Variants in RBM34 observed in about 807,000 individuals in gnomAD.
The protein encoded by RBM34 is RNA binding motif protein 34.
A neutral mutation model predicts 44.6 loss-of-function variants in RBM34; 39 were observed. The observed-to-expected ratio is 0.87, with a 90% CI of 0.68 to 1.14. The LOEUF (loss-of-function observed/expected upper bound fraction) is 1.14, where lower values mean the gene tolerates loss of function less well. RBM34 is among the 50% of genes most tolerant of loss of function. RBM34 has a pLI of 0.00. For missense variants in RBM34, 572 were observed against 517.9 expected, an observed-to-expected ratio of 1.10 and a Z score of -1.01; for synonymous variants, 194 against 184.0, an observed-to-expected ratio of 1.05 and a Z score of -0.44.
intron 6 of RBM34, among the ~76,000 whole-genome samples, chr1:235,140,317 G>T (rs910978483): frequency 7.9e-5 from 12 of 152,208 alleles, no homozygotes; most frequent in African/African-American, 2.9e-4. Flanking sequence ...AGGGCTGCGC[G>T]GCGCTTGCGG....
intron 6 of RBM34, among the ~76,000 whole-genome samples, chr1:235,144,848 C>A (rs1160874295): frequency 1.3e-5 from 2 of 152,158 alleles, no homozygotes; most frequent in Non-Finnish European, 2.9e-5. Flanking sequence ...AGTTTGAGAC[C>A]AGCCTGACCA....
intron 4 of RBM34, among the ~76,000 whole-genome samples, chr1:235,153,959 G>A (rs890370513): frequency 1.3e-5 from 2 of 152,100 alleles, no homozygotes; most frequent in Admixed American, 6.6e-5. Flanking sequence ...TCAAGAGACA[G>A]AACGAGGCTG....
rs140896073 is a variant in RBM34 at position 235,148,452 on chromosome 1, C to T, written c.658-5G>A. On this transcript the variant is annotated splice_region_variant and splice_polypyrimidine_tract_variant and intron_variant, in intron 5 of 10. Transcript: ENST00000408888. ...TAGCGTTCCCTCTGCTGGAATCTTT[C>T]AAGAGAAAAAAAAAAGTATTAAAGA... 22,904 of 1,568,488 alleles carry T rather than the reference C, an allele frequency of 0.015. 213 individuals are homozygous for T. The highest frequency in any genetic ancestry group is 0.018 in the Non-Finnish European group (20,334 of 1,160,884).
intron 10 of RBM34, among the ~76,000 whole-genome samples, chr1:235,133,418 G>A (rs1026967210): frequency 6.6e-5 from 10 of 152,142 alleles, no homozygotes; most frequent in African/African-American, 2.2e-4. Flanking sequence ...TCCAACATGA[G>A]AGAAATGACA....
Position 235,161,170 on chromosome 1 carries a change from T to C in RBM34, c.53+4A>G. ...CCCAGGTACTCGTGCCGCGCGCCAC[T>C]CACCCCTCCTGGACACTTCTCTTTC... On this transcript the variant is annotated splice_donor_region_variant and intron_variant, in intron 1 of 10. Transcript: ENST00000408888. 1 of 1,600,076 alleles carries C rather than the reference T, an allele frequency of 6.2e-7. No individual in the cohort carries two copies. The highest frequency in any genetic ancestry group is 1.3e-5 in the African/African-American group (1 of 74,714).
rs1172462826 is a variant in RBM34 at position 235,155,822 on chromosome 1, CATATATATATATATATATATATAT to C, written c.366-734_366-711del. ...GTCCAGTCTTTTATACATACATATACATATATATATATATATATATATATATATATATATATATATATATACATA... is the reference window on the plus strand; with the variant it reads ...GTCCAGTCTTTTATACATACATATACATATATATATATATATATATACATA... On this transcript the variant is annotated intron_variant, in intron 3 of 10. Coordinates refer to ENST00000408888, the MANE Select transcript of RBM34 (RefSeq NM_015014.4). 3.3e-3 allele frequency among the ~76,000 whole-genome samples: 212 copies of C among 64,174 alleles called. 7 individuals carry two copies. In the East Asian group the frequency reaches 0.044, roughly 13 times the overall value. 42.1% of individuals were successfully genotyped at this position (64,174 alleles called of 152,430 possible).
At chr1:235,147,554 T>C (rs1661955761) in intron 6 of RBM34, among the ~76,000 whole-genome samples, 1 of 152,200 alleles carries the variant, frequency 6.6e-6, no homozygotes, top group Non-Finnish European at 1.5e-5. Flanking sequence ...GGAATCTATA[T>C]ATTTATCAAC....
intron 4 of RBM34, among the ~76,000 whole-genome samples, chr1:235,153,622 CA>C (rs1176890877): frequency 6.6e-6 from 1 of 152,130 alleles, no homozygotes; most frequent in Non-Finnish European, 1.5e-5. Context: ...GAAGCGGTTT[CA>C]CCATGTTGGC....
intron 10 of RBM34, among the ~76,000 whole-genome samples, chr1:235,135,379 C>T (rs1661381835): frequency 6.6e-6 from 1 of 152,056 alleles, no homozygotes. Flanking sequence ...TAGGCACCTG[C>T]CACCACACCT....
intron 8 of RBM34, among the ~76,000 whole-genome samples, chr1:235,136,474 T>C (rs1661437265): frequency 2.0e-5 from 3 of 152,150 alleles, no homozygotes; most frequent in Non-Finnish European, 4.4e-5. Context: ...TGGATGTCGC[T>C]GTGTGTCAAA....
chr1:235,133,296 G>A (rs187390864), intron 10 of RBM34, among the ~76,000 whole-genome samples: 73 of 152,288 alleles, frequency 4.8e-4, no homozygotes, highest in African/African-American at 1.7e-3. Flanking sequence ...AGCTGAGATC[G>A]TGCCAAAGCA....
chr1:235,134,445 G>C (rs1032150842), intron 10 of RBM34, among the ~76,000 whole-genome samples: 1 of 152,118 alleles, frequency 6.6e-6, no homozygotes, highest in Admixed American at 6.6e-5. Context: ...ACAGTCACGC[G>C]TCAACATGCC....
intron 5 of RBM34, among the ~76,000 whole-genome samples, chr1:235,148,760 G>A (rs1409869701): frequency 7.9e-5 from 12 of 151,824 alleles, no homozygotes; most frequent in East Asian, 2.0e-4. Flanking sequence ...CACCACGCCC[G>A]GCTAATTTTT....
At position 235,132,636 on chromosome 1, in the gene RBM34, C is replaced by T. The variant is rs150503786; in HGVS notation, c.1009-639G>A. ...TATGCAATATTTTAAACGAATAAAC[C>T]TCCTTCGTATAGCCATCTTTCTGTC... is the stretch of plus-strand genomic sequence containing the variant. On this transcript the variant is annotated intron_variant, in intron 10 of 10. Coordinates refer to ENST00000408888, the MANE Select transcript of RBM34 (RefSeq NM_015014.4). Among the ~76,000 whole-genome samples the T allele has an allele frequency of 2.0e-3, 308 of 152,142 alleles. 1 individual carries two copies. Among genetic ancestry groups the T allele is most frequent in the African/African-American group, 7.1e-3 (296 of 41,534 alleles).
At chr1:235,141,884 C>T (rs967563947) in intron 6 of RBM34, among the ~76,000 whole-genome samples, 5 of 152,268 alleles carry the variant, frequency 3.3e-5, no homozygotes, top group South Asian at 4.2e-4. Flanking sequence ...AACAGACTCC[C>T]GACGCACCAC....
At chr1:235,140,148 T>C (rs183773147) in intron 6 of RBM34, among the ~76,000 whole-genome samples, 25 of 152,210 alleles carry the variant, frequency 1.6e-4, no homozygotes, top group African/African-American at 5.3e-4. Flanking sequence ...CCTCGCTTGC[T>C]CTCCGCACCT....
At chr1:235,138,574 G>A (rs935405091) in intron 6 of RBM34, among the ~76,000 whole-genome samples, 17 of 152,114 alleles carry the variant, frequency 1.1e-4, no homozygotes, top group African/African-American at 3.6e-4. Flanking sequence ...CACAAACTAC[G>A]TATAGCTGAG....
intron 5 of RBM34, 82 bp from the exon 6 acceptor site, chr1:235,148,529 C>G: frequency 9.8e-7 from 1 of 1,024,994 alleles, no homozygotes; most frequent in Non-Finnish European, 1.4e-6. Context: ...GTCTAAGTAT[C>G]TAACTCCAGT....
At chr1:235,143,590 T>C (rs898350928) in intron 6 of RBM34, among the ~76,000 whole-genome samples, 38 of 152,168 alleles carry the variant, frequency 2.5e-4, no homozygotes, top group Middle Eastern at 3.4e-3. Context: ...ATGAAAAAAT[T>C]AGCTGGGCAT....
Sources: gnomAD v4.1 joint callset for allele counts (sites outside exome capture counted in the v4.1 genomes callset) on GRCh38, gnomAD v4.1.1 for gene constraint, MANE v1.5 for transcripts, NCBI Gene and HGNC (gene_info 2026-07-23, HGNC 2026-07-21) for gene names.